FSHR: variants seen among roughly 807,000 people sequenced by gnomAD.
FSHR encodes follicle stimulating hormone receptor.
Under a neutral mutation model 52.1 loss-of-function variants are expected in FSHR, and 46 were observed. The observed-to-expected ratio is 0.88, with a 90% CI of 0.70 to 1.13. The LOEUF is 1.13. Ranked by LOEUF, FSHR falls within the 50% of genes most tolerant of loss-of-function variation. The pLI, the probability that FSHR is intolerant of heterozygous loss-of-function variation, is 0.00. For missense variants in FSHR, 964 were observed against 834.6 expected (o/e 1.16, Z -1.91); for synonymous variants, 399 against 309.6 (o/e 1.29, Z -3.03).
chr2:49,101,929 C>T (rs1463412238), intron 1 of FSHR, among the ~76,000 whole-genome samples: 1 of 152,062 alleles, frequency 6.6e-6, no homozygotes, highest in Non-Finnish European at 1.5e-5. Flanking sequence ...GTCTCTTCCT[C>T]TTCTTCTAAA....
intron 1 of FSHR, among the ~76,000 whole-genome samples, chr2:49,115,040 G>A (rs1671551775): frequency 6.6e-6 from 1 of 150,992 alleles, no homozygotes; most frequent in African/African-American, 2.4e-5. Flanking sequence ...TCCAATGAAA[G>A]CCCAGTTGTG....
At chr2:49,004,758 G>A (rs1251028728) in intron 4 of FSHR, among the ~76,000 whole-genome samples, 1 of 152,156 alleles carries the variant, frequency 6.6e-6, no homozygotes, top group Non-Finnish European at 1.5e-5. Context: ...GCTAATCTGA[G>A]ACTTGCTTTT....
intron 2 of FSHR, among the ~76,000 whole-genome samples, chr2:49,056,013 A>G (rs973843740): frequency 6.6e-6 from 1 of 152,092 alleles, no homozygotes; most frequent in African/African-American, 2.4e-5. Flanking sequence ...AAGAGAAAGG[A>G]ATCAAGCCTA....
At chr2:49,020,028 A>G in intron 3 of FSHR, 58 bp downstream of exon 3, 2 of 1,414,942 alleles carry the variant, frequency 1.4e-6, no homozygotes, top group Non-Finnish European at 2.0e-6. Flanking sequence ...AATGTAGAAG[A>G]ACTTTAAGGG....
At chr2:49,121,858 C>G (rs142964681) in intron 1 of FSHR, among the ~76,000 whole-genome samples, 1 of 151,980 alleles carries the variant, frequency 6.6e-6, no homozygotes, top group Non-Finnish European at 1.5e-5. Context: ...CTCATCCTTT[C>G]GTGATCTGTA....
chr2:49,093,398 A>T (rs1186039345), intron 1 of FSHR, among the ~76,000 whole-genome samples: 1 of 152,152 alleles, frequency 6.6e-6, no homozygotes, highest in Non-Finnish European at 1.5e-5. Flanking sequence ...TACACATTTA[A>T]ATCATTGTCT....
At chr2:48,989,662 A>G (rs965113867) in intron 5 of FSHR, among the ~76,000 whole-genome samples, 3 of 152,070 alleles carry the variant, frequency 2.0e-5, no homozygotes, top group African/African-American at 4.8e-5. Flanking sequence ...CCTCTTGTCT[A>G]ACTTCTCTGT....
At chr2:49,000,481 A>C (rs1450985620) in intron 4 of FSHR, among the ~76,000 whole-genome samples, 1 of 152,184 alleles carries the variant, frequency 6.6e-6, no homozygotes, top group Non-Finnish European at 1.5e-5. Context: ...TCCGTGGCTA[A>C]GGCAGAGCTC....
At chr2:49,075,391 T>A (rs1669912927) in intron 1 of FSHR, among the ~76,000 whole-genome samples, 1 of 151,116 alleles carries the variant, frequency 6.6e-6, no homozygotes, top group African/African-American at 2.4e-5. Context: ...CCTAAAAGAG[T>A]GGAAAGAAAG....
chr2:49,085,684 A>T (rs1670355972), intron 1 of FSHR, among the ~76,000 whole-genome samples: 1 of 152,188 alleles, frequency 6.6e-6, no homozygotes, highest in Non-Finnish European at 1.5e-5. Flanking sequence ...TTGGGGCACT[A>T]TTCACAATAG....
At chr2:49,147,305 C>T (rs1408816103) in intron 1 of FSHR, among the ~76,000 whole-genome samples, 1 of 152,004 alleles carries the variant, frequency 6.6e-6, no homozygotes, top group African/African-American at 2.4e-5. Context: ...CTAGTCTAAA[C>T]AAAGCTAAAT....
chr2:49,085,022 G>T (rs1336778043), intron 1 of FSHR, among the ~76,000 whole-genome samples: 1 of 151,986 alleles, frequency 6.6e-6, no homozygotes, highest in Admixed American at 6.6e-5. Flanking sequence ...TGATACCAAA[G>T]CCTGGTAGAG....
At chr2:49,128,908 G>C (rs780005433) in intron 1 of FSHR, among the ~76,000 whole-genome samples, 3 of 151,834 alleles carry the variant, frequency 2.0e-5, no homozygotes, top group Non-Finnish European at 4.4e-5. Flanking sequence ...TTTTTCAGAA[G>C]GTAGAAAACA....
At chr2:49,076,026 A>C (rs572026911) in intron 1 of FSHR, among the ~76,000 whole-genome samples, 1 of 152,342 alleles carries the variant, frequency 6.6e-6, no homozygotes, top group East Asian at 1.9e-4. Flanking sequence ...GATACAGAAA[A>C]GTGAATAGAC....
chr2:49,136,942 G>T lies in FSHR; in HGVS notation c.152+17324C>A, dbSNP rs377109475. Among the ~76,000 whole-genome samples the T allele has an allele frequency of 5.9e-5, 9 of 152,120 alleles. 1 individual carries two copies. Among genetic ancestry groups the T allele is most frequent in the Non-Finnish European group, 8.8e-5 (6 of 68,006 alleles). On this transcript the variant is annotated intron_variant, in intron 1 of 9. Coordinates refer to ENST00000406846, the MANE Select transcript of FSHR (RefSeq NM_000145.4). ...TGAGAGACTGGATGATTTTCCTTAAGATCAGGACCAAGACAACGATGTGCA... is the reference window on the plus strand; with the variant it reads ...TGAGAGACTGGATGATTTTCCTTAATATCAGGACCAAGACAACGATGTGCA...
At chr2:49,001,276 A>G (rs1367768666) in intron 4 of FSHR, among the ~76,000 whole-genome samples, 1 of 152,142 alleles carries the variant, frequency 6.6e-6, no homozygotes, top group African/African-American at 2.4e-5. Context: ...TATTTTATAG[A>G]TAAGAAAACT....
chr2:49,041,403 G>T (rs1668477019), intron 2 of FSHR, among the ~76,000 whole-genome samples: 1 of 152,102 alleles, frequency 6.6e-6, no homozygotes, highest in Non-Finnish European at 1.5e-5. Flanking sequence ...ACATGTCAGG[G>T]AGCTCCTCCT....
At chr2:48,995,224 G>C (rs534994282) in intron 4 of FSHR, among the ~76,000 whole-genome samples, 1 of 152,150 alleles carries the variant, frequency 6.6e-6, no homozygotes, top group Admixed American at 6.5e-5. Context: ...ACAGTGTGCC[G>C]GTTTCAGGGA....
At chr2:48,985,592 A>G (rs986014435) in intron 6 of FSHR, among the ~76,000 whole-genome samples, 2 of 149,390 alleles carry the variant, frequency 1.3e-5, no homozygotes, top group Non-Finnish European at 3.0e-5. Context: ...TCACTAGGCT[A>G]GTGTCTGATA....
Sources: allele counts gnomAD v4.1 joint callset (sites outside exome capture counted in the v4.1 genomes callset), GRCh38; gene constraint gnomAD v4.1.1; transcripts MANE v1.5; gene names NCBI Gene and HGNC (gene_info 2026-07-23, HGNC 2026-07-21).